Variants in VAMP4 observed in about 807,000 individuals in gnomAD.
VAMP4 encodes vesicle associated membrane protein 4, also known as vesicle-associated membrane protein 4.
Under a neutral mutation model 23.5 loss-of-function variants are expected in VAMP4, and 19 were observed. The observed-to-expected ratio is 0.81, with a 90% CI of 0.56 to 1.19. The LOEUF (loss-of-function observed/expected upper bound fraction) is 1.19. Among genes scored for constraint, VAMP4 ranks in the 50% most tolerant of loss-of-function variants. The probability of loss-of-function intolerance (pLI) is 0.00; values close to 1 mark genes in which losing one functional copy is unlikely to be tolerated. For synonymous variants in VAMP4, 31 were observed against 51.0 expected, an observed-to-expected ratio of 0.61 and a Z score of 1.67; for missense variants, 145 against 168.6, an observed-to-expected ratio of 0.86 and a Z score of 0.78.
intron 1 of VAMP4, 150 bp from the exon 2 acceptor site, chr1:171,738,613 T>C (rs1655819290): frequency 1.7e-6 from 1 of 578,126 alleles, no homozygotes; most frequent in Non-Finnish European, 3.1e-6. Context: ...CTCCAGTGAC[T>C]GGGGCCTCCA....
At chr1:171,710,924 A>G in intron 4 of VAMP4, 110 bp from the exon 5 acceptor site, 1 of 754,506 alleles carries the variant, frequency 1.3e-6, no homozygotes. Flanking sequence ...AGAATTATTC[A>G]ACTATAAAAT....
At position 171,709,714 on chromosome 1, in the gene VAMP4, C is replaced by T. The variant is rs777416517; in HGVS notation, c.296G>A (p.Ser99Asn). Residue 99 changes from serine to asparagine, a missense_variant, in exon 6 of 8, where the codon AGC (serine) becomes AAC (asparagine). Ser to Asn is a conservative substitution (Grantham distance 46, BLOSUM62 1). Coordinates refer to ENST00000236192, the MANE Select transcript of VAMP4 (RefSeq NM_003762.5). Reference sequence around the variant, plus strand: ...CCTTCGAAGTTGTTTGGATCTGTTGCTAAAAGCTGTTGCATTATCCGATAA... The same window carrying T: ...CCTTCGAAGTTGTTTGGATCTGTTGTTAAAAGCTGTTGCATTATCCGATAA... ...ESLSDNATAF[S>N]NRSKQLRRQM... 2 of 1,613,150 alleles carry T rather than the reference C, an allele frequency of 1.2e-6. No individual in the cohort carries two copies. The highest frequency in any genetic ancestry group is 3.3e-5 in the Admixed American group (2 of 59,962).
At chr1:171,720,262 G>A (rs1241154945) in intron 3 of VAMP4, among the ~76,000 whole-genome samples, 2 of 151,550 alleles carry the variant, frequency 1.3e-5, no homozygotes, top group Non-Finnish European at 2.9e-5. Context: ...TACAAGAGCT[G>A]GTCAACCGAA....
At chr1:171,717,002 A>T (rs1311221304) in intron 4 of VAMP4, among the ~76,000 whole-genome samples, 2 of 152,368 alleles carry the variant, frequency 1.3e-5, no homozygotes, top group East Asian at 3.9e-4. Context: ...ATAGTGTAAT[A>T]CATAAATATA....
rs1654517357 is a variant in VAMP4 at position 171,703,405 on chromosome 1, G to A, written c.*1101C>T. 9.7e-6 allele frequency: 1 copy of A among 102,910 alleles called. No homozygotes were observed. The highest frequency in any genetic ancestry group is 2.0e-5 in the Non-Finnish European group (1 of 50,918). 6.4% of individuals were successfully genotyped at this position (102,910 alleles called of 1,614,324 possible). ...ATCATATGTGTGCGTGTGTGTGTGT[G>A]TGTGTGTGTGTGTTTGTGTGTATAT... On this transcript the variant is annotated 3_prime_UTR_variant, in exon 8 of 8. Coordinates refer to ENST00000236192, the MANE Select transcript of VAMP4 (RefSeq NM_003762.5).
intron 4 of VAMP4, among the ~76,000 whole-genome samples, chr1:171,712,139 G>C (rs1329573702): frequency 6.6e-6 from 1 of 151,942 alleles, no homozygotes; most frequent in Admixed American, 6.6e-5. Context: ...TGTCATTAAG[G>C]GTCCATGATG....
intron 4 of VAMP4, among the ~76,000 whole-genome samples, chr1:171,717,245 G>T (rs1351761430): frequency 2.0e-5 from 3 of 152,172 alleles, no homozygotes; most frequent in African/African-American, 7.2e-5. Flanking sequence ...TTCTCCAGTG[G>T]CAGCTTAGGC....
intron 4 of VAMP4, among the ~76,000 whole-genome samples, chr1:171,717,672 C>T (rs909309210): frequency 6.6e-6 from 1 of 151,860 alleles, no homozygotes; most frequent in Admixed American, 6.6e-5. Flanking sequence ...GGTCTCAAAA[C>T]TTTTGGCTTC....
intron 5 of VAMP4, among the ~76,000 whole-genome samples, chr1:171,710,249 ATATTTGAGTG>A (rs1222374595): frequency 8.5e-5 from 13 of 152,134 alleles, no homozygotes; most frequent in African/African-American, 3.1e-4. Flanking sequence ...TCACCAAACA[ATATTTGAGTG>A]GCAAGTACGT....
chr1:171,721,094 C>A (rs554830549), intron 3 of VAMP4, among the ~76,000 whole-genome samples: 1 of 152,122 alleles, frequency 6.6e-6, no homozygotes, highest in East Asian at 1.9e-4. Flanking sequence ...TTGACAAAAT[C>A]CAACGTCAGC....
At chr1:171,716,614 G>C (rs952661586) in intron 4 of VAMP4, among the ~76,000 whole-genome samples, 2 of 152,180 alleles carry the variant, frequency 1.3e-5, no homozygotes, top group Admixed American at 1.3e-4. Flanking sequence ...TAATAAATGT[G>C]GCTAATGAAG....
At chr1:171,710,227 G>A (rs1654804914) in intron 5 of VAMP4, among the ~76,000 whole-genome samples, 1 of 135,472 alleles carries the variant, frequency 7.4e-6, no homozygotes, top group Non-Finnish European at 1.6e-5. Flanking sequence ...GATTAATCAG[G>A]TATTCAGCCA....
intron 6 of VAMP4, 119 bp from the exon 7 acceptor site, chr1:171,706,537 T>C (rs1257328667): frequency 1.1e-6 from 1 of 904,834 alleles, no homozygotes; most frequent in Non-Finnish European, 1.6e-6. Context: ...GTTTCTTAAC[T>C]ACAAAACTGA....
chr1:171,737,481 T>C (rs1655781756), intron 2 of VAMP4, among the ~76,000 whole-genome samples: 1 of 152,236 alleles, frequency 6.6e-6, no homozygotes, highest in South Asian at 2.1e-4. Flanking sequence ...AAGCATTATA[T>C]AAAAGATACT....
intron 3 of VAMP4, among the ~76,000 whole-genome samples, chr1:171,725,167 G>A (rs1655325523): frequency 6.6e-6 from 1 of 152,024 alleles, no homozygotes; most frequent in South Asian, 2.1e-4. Flanking sequence ...CATATAAGTG[G>A]AATCATGCAA....
At chr1:171,713,679 TA>T (rs1327599277) in intron 4 of VAMP4, among the ~76,000 whole-genome samples, 2 of 151,904 alleles carry the variant, frequency 1.3e-5, no homozygotes, top group African/African-American at 4.8e-5. Context: ...CAAAAAAATT[TA>T]AAAATAAGCT....
At chr1:171,740,811 T>C (rs1354551182) in intron 1 of VAMP4, among the ~76,000 whole-genome samples, 1 of 152,170 alleles carries the variant, frequency 6.6e-6, no homozygotes, top group Non-Finnish European at 1.5e-5. Context: ...ACAGTAAAAC[T>C]ACAATCTTAA....
chr1:171,722,032 G>T (rs1434903668), intron 3 of VAMP4, among the ~76,000 whole-genome samples: 2 of 152,174 alleles, frequency 1.3e-5, no homozygotes, highest in African/African-American at 2.4e-5. Flanking sequence ...AACCAAAACA[G>T]CATGGTACTG....
chr1:171,738,252 G>A, intron 2 of VAMP4, 97 bp downstream of exon 2: 6 of 1,395,392 alleles, frequency 4.3e-6, no homozygotes, highest in Non-Finnish European at 5.9e-6. Context: ...GCAGGCATGA[G>A]CAACCACGCC....
Sources: gnomAD v4.1 joint callset for allele counts (sites outside exome capture counted in the v4.1 genomes callset) on GRCh38, gnomAD v4.1.1 for gene constraint, MANE v1.5 for transcripts, NCBI Gene and HGNC (gene_info 2026-07-23, HGNC 2026-07-21) for gene names.